The following METTL15 variants were observed in gnomAD, a reference collection of about 807,000 sequenced individuals.
METTL15 encodes 12S rRNA N(4)-cytidine methyltransferase METTL15.
A neutral mutation model predicts 38.3 loss-of-function variants in METTL15; 34 were observed. The observed-to-expected ratio is 0.89, with a 90% CI of 0.68 to 1.18. The LOEUF is 1.18. METTL15 is among the 50% of genes most tolerant of loss of function. The pLI, the probability that METTL15 is intolerant of heterozygous loss-of-function variation, is 0.00. For synonymous variants in METTL15, 162 were observed against 170.9 expected, an observed-to-expected ratio of 0.95 and a Z score of 0.41; for missense variants, 438 against 498.4, an observed-to-expected ratio of 0.88 and a Z score of 1.15.
At chr11:28,324,916 C>T (rs904063907) in intron 6 of METTL15, among the ~76,000 whole-genome samples, 1 of 152,182 alleles carries the variant, frequency 6.6e-6, no homozygotes, top group African/African-American at 2.4e-5. Context: ...TACTAGCTCT[C>T]TACACTGTTC....
intron 5 of METTL15, among the ~76,000 whole-genome samples, chr11:28,404,070 A>G (rs1259048882): frequency 6.6e-6 from 1 of 152,004 alleles, no homozygotes; most frequent in Non-Finnish European, 1.5e-5. Flanking sequence ...ACCCTAGAAA[A>G]CATGAGCATA....
intron 3 of METTL15, among the ~76,000 whole-genome samples, chr11:28,197,253 C>G (rs1363362111): frequency 2.0e-5 from 3 of 151,620 alleles, no homozygotes; most frequent in Non-Finnish European, 4.4e-5. Context: ...TTTAAAAGAC[C>G]TTCTGTCAAC....
intron 3 of METTL15, among the ~76,000 whole-genome samples, chr11:28,343,714 T>C (rs1239671355): frequency 6.6e-6 from 1 of 152,232 alleles, no homozygotes; most frequent in Non-Finnish European, 1.5e-5. Context: ...TAGGTTGTCT[T>C]TTATTTTGAA....
intron 3 of METTL15, among the ~76,000 whole-genome samples, chr11:28,206,450 C>G (rs1231432223): frequency 6.6e-6 from 1 of 152,184 alleles, no homozygotes; most frequent in African/African-American, 2.4e-5. Flanking sequence ...GGGCTCTGTT[C>G]TGTTCCATTG....
rs907772019 is a variant in METTL15 at position 28,175,555 on chromosome 11, T to C, written c.271-35507T>C. Among the ~76,000 whole-genome samples, 4 of 152,218 alleles carry C rather than the reference T, an allele frequency of 2.6e-5. No individual in the cohort carries two copies. The East Asian group carries it at 7.7e-4, about 29-fold the overall frequency. ...TCCACAATGGTTGAACTAGTTTACA[T>C]GAATTCTTACAGGCATCAGTTAAAA... On this transcript the variant is annotated intron_variant, in intron 3 of 6. Transcript: ENST00000407364.
At chr11:28,397,860 C>G (rs1850588064) in intron 5 of METTL15, among the ~76,000 whole-genome samples, 1 of 152,062 alleles carries the variant, frequency 6.6e-6, no homozygotes, top group African/African-American at 2.4e-5. Context: ...CAATGATAGA[C>G]TGGATTAAGA....
intron 6 of METTL15, among the ~76,000 whole-genome samples, chr11:28,443,228 A>G (rs1427736070): frequency 6.6e-6 from 1 of 151,848 alleles, no homozygotes; most frequent in Non-Finnish European, 1.5e-5. Context: ...ATCTTTTGAC[A>G]TCACTGATCA....
At chr11:28,139,823 G>GAA (rs1323740523) in intron 3 of METTL15, among the ~76,000 whole-genome samples, 1 of 151,904 alleles carries the variant, frequency 6.6e-6, no homozygotes, top group Non-Finnish European at 1.5e-5. Flanking sequence ...GAAAAGAAAA[G>GAA]AAAAAAACAG....
At chr11:28,467,669 C>G (rs1219244949) in intron 6 of METTL15, among the ~76,000 whole-genome samples, 1 of 152,156 alleles carries the variant, frequency 6.6e-6, no homozygotes, top group Non-Finnish European at 1.5e-5. Flanking sequence ...TGAGTGTCTT[C>G]TCTGTACCAA....
intron 6 of METTL15, among the ~76,000 whole-genome samples, chr11:28,483,983 C>T (rs1851417777): frequency 6.6e-6 from 1 of 151,948 alleles, no homozygotes; most frequent in African/African-American, 2.4e-5. Context: ...GATGGTAGGA[C>T]TGAGAACTTG....
intron 6 of METTL15, among the ~76,000 whole-genome samples, chr11:28,517,499 C>A (rs1238874670): frequency 3.9e-5 from 6 of 152,148 alleles, no homozygotes; most frequent in African/African-American, 1.4e-4. Context: ...CACCCTGGAG[C>A]TCTGGATGAC....
intron 6 of METTL15, among the ~76,000 whole-genome samples, chr11:28,322,067 G>A (rs1054771236): frequency 2.6e-5 from 4 of 151,752 alleles, no homozygotes; most frequent in Admixed American, 6.6e-5. Flanking sequence ...TCAAATATAA[G>A]AAATAAAACC....
At chr11:28,142,284 G>T (rs919274353) in intron 3 of METTL15, among the ~76,000 whole-genome samples, 1 of 152,112 alleles carries the variant, frequency 6.6e-6, no homozygotes, top group Admixed American at 6.6e-5. Context: ...CAAAGAACAA[G>T]AAGTGGATTG....
chr11:28,409,755 A>G (rs560462644), intron 5 of METTL15, among the ~76,000 whole-genome samples: 28 of 152,298 alleles, frequency 1.8e-4, no homozygotes, highest in Admixed American at 3.3e-4. Context: ...GACTTACCGC[A>G]AAGTTAGCAG....
At position 28,210,474 on chromosome 11, in the gene METTL15, A is replaced by C. The variant is rs146964182; in HGVS notation, c.271-588A>C. On this transcript the variant is annotated intron_variant, in intron 3 of 6. Coordinates refer to ENST00000407364, the MANE Select transcript of METTL15 (RefSeq NM_001113528.2). Reference sequence around the variant, plus strand: ...CCTAGAGTTTACCCTAGGTATTTTGACTTGAAAAGCATTTTTTTTTCTTCT... The same window carrying C: ...CCTAGAGTTTACCCTAGGTATTTTGCCTTGAAAAGCATTTTTTTTTCTTCT... Among the ~76,000 whole-genome samples the C allele has an allele frequency of 8.3e-3, 1,260 of 151,724 alleles. 79 individuals are homozygous for C. Among genetic ancestry groups the C allele is most frequent in the Admixed American group, 0.073 (1,106 of 15,200 alleles).
chr11:28,249,231 A>G (rs1013671963), intron 4 of METTL15, among the ~76,000 whole-genome samples: 1 of 151,978 alleles, frequency 6.6e-6, no homozygotes, highest in African/African-American at 2.4e-5. Flanking sequence ...AAATGAGGAT[A>G]ACAGTGGTAC....
chr11:28,202,222 G>A (rs1205156939), intron 3 of METTL15, among the ~76,000 whole-genome samples: 1 of 151,978 alleles, frequency 6.6e-6, no homozygotes, highest in Non-Finnish European at 1.5e-5. Flanking sequence ...AGTGGGGGTG[G>A]AAATATTCAA....
At chr11:28,299,681 T>C (rs184358311) in intron 6 of METTL15, among the ~76,000 whole-genome samples, 2 of 152,164 alleles carry the variant, frequency 1.3e-5, no homozygotes, top group East Asian at 1.9e-4. Context: ...TGAGACACAA[T>C]TGGAAGGGCA....
intron 4 of METTL15, among the ~76,000 whole-genome samples, chr11:28,251,318 A>G (rs894799013): frequency 3.3e-5 from 5 of 152,042 alleles, no homozygotes; most frequent in Admixed American, 6.6e-5. Flanking sequence ...TTTTGCTTCA[A>G]AGTTTACAAA....
Sources: gnomAD v4.1 joint callset for allele counts (sites outside exome capture counted in the v4.1 genomes callset) on GRCh38, gnomAD v4.1.1 for gene constraint, MANE v1.5 for transcripts, NCBI Gene and HGNC (gene_info 2026-07-23, HGNC 2026-07-21) for gene names.